STXBP3: variants seen among roughly 807,000 people sequenced by gnomAD.
STXBP3 encodes the protein syntaxin-binding protein 3.
In STXBP3, 41 loss-of-function variants were observed where a neutral mutation model predicts 85.7. That is an observed-to-expected ratio of 0.48 (90% CI 0.37 to 0.62). STXBP3 has a LOEUF of 0.62. STXBP3 is among the 20% of genes least tolerant of loss of function. STXBP3 has a pLI of 0.00. For missense variants in STXBP3, 563 were observed against 703.1 expected (o/e 0.80, Z 2.25); for synonymous variants, 229 against 231.7 (o/e 0.99, Z 0.10).
Position 108,746,746 on chromosome 1 carries a change from G to T in STXBP3, c.9G>T (p.Pro3=), listed in dbSNP as rs949545712. ...TCCGCAGTGTCGGGAAGATGGCGCC[G>T]CCGGTGGCAGAGAGGGGGCTAAAGA... MA[P]PVAERGLKSV... is the part of the protein sequence containing the mutation. Residue 3 remains proline (P), a synonymous_variant, in exon 1 of 19, where the codon CCG becomes CCT. Coordinates refer to ENST00000370008, the MANE Select transcript of STXBP3 (RefSeq NM_007269.4). 15 of 1,549,956 alleles carry T rather than the reference G, an allele frequency of 9.7e-6. No homozygotes were observed. The highest frequency in any genetic ancestry group is 7.0e-6 in the Non-Finnish European group (8 of 1,146,416).
At chr1:108,758,479 A>G in intron 4 of STXBP3, 31 bp from the exon 5 acceptor site, 1 of 1,118,222 alleles carries the variant, frequency 8.9e-7, no homozygotes, top group Non-Finnish European at 1.3e-6. Context: ...ATATTTAATA[A>G]AATGTGTATT....
At chr1:108,807,115 G>A (rs538807271) in intron 17 of STXBP3, among the ~76,000 whole-genome samples, 1 of 152,086 alleles carries the variant, frequency 6.6e-6, no homozygotes, top group Non-Finnish European at 1.5e-5. Flanking sequence ...AGCTGGGCAT[G>A]GTGGCACATG....
chr1:108,789,613 T>C (rs1181594169), intron 11 of STXBP3, among the ~76,000 whole-genome samples: 3 of 152,252 alleles, frequency 2.0e-5, no homozygotes, highest in African/African-American at 7.2e-5. Flanking sequence ...CTTATTATGA[T>C]TTCTTCTTTG....
At chr1:108,756,233 A>G (rs1662015063) in intron 3 of STXBP3, among the ~76,000 whole-genome samples, 1 of 152,166 alleles carries the variant, frequency 6.6e-6, no homozygotes, top group Non-Finnish European at 1.5e-5. Flanking sequence ...AATAGGCGTT[A>G]ATTGGCAATT....
At chr1:108,755,036 G>C (rs1457174086) in intron 3 of STXBP3, among the ~76,000 whole-genome samples, 1 of 151,976 alleles carries the variant, frequency 6.6e-6, no homozygotes, top group Non-Finnish European at 1.5e-5. Flanking sequence ...TGTCATTCAG[G>C]TCATTCATGA....
chr1:108,806,370 CAT>C (rs1418180698), intron 17 of STXBP3, among the ~76,000 whole-genome samples: 1 of 152,074 alleles, frequency 6.6e-6, no homozygotes, highest in Non-Finnish European at 1.5e-5. Context: ...TAAATAGCCT[CAT>C]GTGGCTAGTG....
At chr1:108,746,825 G>A (rs1462566175) in intron 1 of STXBP3, 39 bp downstream of exon 1, 14 of 1,542,084 alleles carry the variant, frequency 9.1e-6, no homozygotes, top group African/African-American at 2.8e-5. Context: ...AGGGAAGGCC[G>A]GGAGGCTGCC....
intron 18 of STXBP3, among the ~76,000 whole-genome samples, 171 bp downstream of exon 18, chr1:108,807,720 G>A (rs576601077): frequency 9.2e-5 from 14 of 151,988 alleles, no homozygotes; most frequent in African/African-American, 3.1e-4. Flanking sequence ...GGAATTACAG[G>A]TGTCTGCCAC....
chr1:108,800,103 A>T, intron 16 of STXBP3, 117 bp from the exon 17 acceptor site: 7 of 702,014 alleles, frequency 1.0e-5, no homozygotes, highest in Non-Finnish European at 5.1e-6. Context: ...GACTAATCTT[A>T]TACTAAATAT....
rs1663402325 is a variant in STXBP3, at chr1:108,809,072, G to A, written c.*195G>A. The A allele has an allele frequency of 2.1e-6, 1 of 467,746 alleles. No homozygotes were observed. The highest frequency in any genetic ancestry group is 2.0e-5 in the African/African-American group (1 of 48,964). The allele number at this position is 467,746 out of a possible 1,614,324, so 29.0% of individuals were successfully genotyped here. On this transcript the variant is annotated 3_prime_UTR_variant, in exon 19 of 19. Coordinates refer to ENST00000370008, the MANE Select transcript of STXBP3 (RefSeq NM_007269.4). ...ATAATTTAAATATTGCTGCTGCTTT[G>A]TAGATGATGAGAAGAAATGTTAAAG...
chr1:108,799,691 A>G (rs1238517835), intron 16 of STXBP3, among the ~76,000 whole-genome samples: 1 of 152,190 alleles, frequency 6.6e-6, no homozygotes, highest in Non-Finnish European at 1.5e-5. Context: ...CTATTTACTT[A>G]TAAGTTAAGC....
At chr1:108,753,207 AT>A (rs1325126927) in intron 3 of STXBP3, 63 bp downstream of exon 3, 2 of 1,214,666 alleles carry the variant, frequency 1.6e-6, no homozygotes, top group Non-Finnish European at 2.2e-6. Flanking sequence ...GAGGTATTAA[AT>A]TTTAGTTAGT....
In STXBP3 at chr1:108,793,572, T is replaced by C; in HGVS notation, c.964-10T>C. On this transcript the variant is annotated splice_polypyrimidine_tract_variant and intron_variant, in intron 11 of 18. Transcript: ENST00000370008. ...TAGGCTTGCCTAAAAAAATGTTTGA[T>C]TTTTCCTAGACATCACTTAGTGCTC... The C allele has an allele frequency of 6.2e-7, 1 of 1,608,232 alleles. No individual in the cohort carries two copies. The highest frequency in any genetic ancestry group is 8.5e-7 in the Non-Finnish European group (1 of 1,177,142).
chr1:108,776,186 T>TA, intron 7 of STXBP3, 147 bp from the exon 8 acceptor site: 1 of 462,978 alleles, frequency 2.2e-6, no homozygotes, highest in Non-Finnish European at 3.7e-6. Flanking sequence ...TTTGATACAT[T>TA]ATCTGAACTT....
intron 8 of STXBP3, among the ~76,000 whole-genome samples, chr1:108,777,780 C>T (rs1045932164): frequency 6.6e-6 from 1 of 152,090 alleles, no homozygotes; most frequent in Non-Finnish European, 1.5e-5. Flanking sequence ...TTTTTGAAGC[C>T]TTCCTTGACT....
intron 11 of STXBP3, among the ~76,000 whole-genome samples, chr1:108,788,609 CTTCA>C (rs1269543681): frequency 1.3e-5 from 2 of 151,918 alleles, no homozygotes; most frequent in Non-Finnish European, 2.9e-5. Context: ...TTTACTTTTT[CTTCA>C]TTAGTTTTGG....
intron 8 of STXBP3, among the ~76,000 whole-genome samples, chr1:108,778,190 A>T (rs770303724): frequency 4.6e-5 from 7 of 152,204 alleles, no homozygotes; most frequent in Non-Finnish European, 7.4e-5. Flanking sequence ...AATCTAGCCT[A>T]TAAAATTTAC....
At chr1:108,747,306 A>T (rs915311073) in intron 1 of STXBP3, among the ~76,000 whole-genome samples, 1 of 152,194 alleles carries the variant, frequency 6.6e-6, no homozygotes, top group African/African-American at 2.4e-5. Flanking sequence ...TAACAGACTC[A>T]TCTTCCCCTA....
At chr1:108,784,220 A>C (rs555805304) in intron 11 of STXBP3, among the ~76,000 whole-genome samples, 7 of 152,176 alleles carry the variant, frequency 4.6e-5, no homozygotes, top group Non-Finnish European at 1.0e-4. Flanking sequence ...TTTTACATTT[A>C]AGTCTGTAAT....
Sources: gnomAD v4.1 joint callset for allele counts (sites outside exome capture counted in the v4.1 genomes callset) on GRCh38, gnomAD v4.1.1 for gene constraint, MANE v1.5 for transcripts, NCBI Gene and HGNC (gene_info 2026-07-23, HGNC 2026-07-21) for gene names.